The following SKAP1 variants were observed in gnomAD, a reference collection of about 807,000 sequenced individuals.
SKAP1 encodes src kinase associated phosphoprotein 1.
In SKAP1, 44 loss-of-function variants were observed where a neutral mutation model predicts 58.5. The observed-to-expected ratio is 0.75, with a 90% CI of 0.59 to 0.97. The LOEUF (loss-of-function observed/expected upper bound fraction) is 0.97, where lower values mean the gene tolerates loss of function less well. Ranked by LOEUF, SKAP1 falls within the 50% of genes least tolerant of loss-of-function variation. The probability of loss-of-function intolerance (pLI) is 0.00; values close to 1 mark genes in which losing one functional copy is unlikely to be tolerated. For synonymous variants in SKAP1, 127 were observed against 149.7 expected (o/e 0.85, Z 1.11); for missense variants, 390 against 435.2 (o/e 0.90, Z 0.92).
intron 4 of SKAP1, among the ~76,000 whole-genome samples, chr17:48,295,358 T>C (rs1454427635): frequency 6.6e-6 from 1 of 152,126 alleles, no homozygotes; most frequent in Non-Finnish European, 1.5e-5. Context: ...CAACTTGTAT[T>C]TCCTTTCTTT....
At chr17:48,283,318 A>G (rs1167243231) in intron 4 of SKAP1, among the ~76,000 whole-genome samples, 2 of 152,224 alleles carry the variant, frequency 1.3e-5, no homozygotes, top group African/African-American at 2.4e-5. Flanking sequence ...AATAAGAAAA[A>G]TAAAATAATA....
chr17:48,412,722 A>G (rs533355058), intron 1 of SKAP1, among the ~76,000 whole-genome samples: 2 of 152,354 alleles, frequency 1.3e-5, no homozygotes, highest in East Asian at 1.9e-4. Flanking sequence ...TTACTAAATT[A>G]TAAGTAAAAT....
intron 4 of SKAP1, among the ~76,000 whole-genome samples, chr17:48,324,347 T>C (rs1469180831): frequency 1.3e-5 from 2 of 152,162 alleles, no homozygotes; most frequent in Non-Finnish European, 2.9e-5. Context: ...ACCAATCCCA[T>C]GTAATTAGAC....
intron 4 of SKAP1, among the ~76,000 whole-genome samples, chr17:48,309,686 T>C (rs962876477): frequency 6.6e-6 from 1 of 152,172 alleles, no homozygotes; most frequent in Non-Finnish European, 1.5e-5. Flanking sequence ...GATAATCAAA[T>C]CCATTTTCAA....
chr17:48,209,021 C>T (rs1598429459), intron 4 of SKAP1, among the ~76,000 whole-genome samples: 1 of 152,146 alleles, frequency 6.6e-6, no homozygotes, highest in Non-Finnish European at 1.5e-5. Context: ...CTCACCACTA[C>T]CTCTATAATA....
chr17:48,424,939 AAAAAAG>A (rs1414459021), intron 1 of SKAP1, among the ~76,000 whole-genome samples: 23 of 150,330 alleles, frequency 1.5e-4, no homozygotes, highest in Non-Finnish European at 2.7e-4. Flanking sequence ...TCAAAAAAAA[AAAAAAG>A]AAAAAGAAAA....
intron 1 of SKAP1, among the ~76,000 whole-genome samples, chr17:48,398,051 A>G (rs888160628): frequency 2.0e-5 from 3 of 151,722 alleles, no homozygotes; most frequent in African/African-American, 7.3e-5. Flanking sequence ...ACTGTATCAT[A>G]TATATCAGGA....
intron 4 of SKAP1, among the ~76,000 whole-genome samples, chr17:48,316,459 AC>A (rs1379884507): frequency 6.6e-6 from 1 of 152,094 alleles, no homozygotes; most frequent in Non-Finnish European, 1.5e-5. Context: ...TCCTCTGATC[AC>A]CCTGTTCTCA....
At chr17:48,205,037 T>TTCTTTCTCTCTC in intron 4 of SKAP1, among the ~76,000 whole-genome samples, 1 of 55,804 alleles carries the variant, frequency 1.8e-5, no homozygotes, top group African/African-American at 5.4e-5. Flanking sequence ...CTTTCTTTCT[T>TTCTTTCTCTCTC]TCTCTCTCTC....
chr17:48,301,160 C>A (rs1029964531), intron 4 of SKAP1, among the ~76,000 whole-genome samples: 4 of 152,252 alleles, frequency 2.6e-5, no homozygotes, highest in Admixed American at 6.5e-5. Flanking sequence ...CACCAAACAA[C>A]TTTTTTTAGG....
At chr17:48,155,276 C>T (rs543994717) in intron 11 of SKAP1, among the ~76,000 whole-genome samples, 6 of 151,182 alleles carry the variant, frequency 4.0e-5, no homozygotes, top group East Asian at 2.1e-4. Context: ...TACAGGCACG[C>T]GCCACCATGC....
At chr17:48,153,418 C>T (rs181947244) in intron 11 of SKAP1, among the ~76,000 whole-genome samples, 4 of 152,248 alleles carry the variant, frequency 2.6e-5, no homozygotes, top group African/African-American at 7.2e-5. Context: ...TGAATTTGAC[C>T]GGTATATGAC....
intron 2 of SKAP1, chr17:48,380,509 C>T (rs531715644): frequency 2.0e-5 from 3 of 152,132 alleles, no homozygotes; most frequent in African/African-American, 7.2e-5. Context: ...TCCCTTGGAC[C>T]TTTTATTGAA....
At chr17:48,240,642 C>T (rs2938483) in intron 4 of SKAP1, among the ~76,000 whole-genome samples, 84,846 of 151,936 alleles carry the variant, frequency 0.56, 24,672 homozygotes, top group East Asian at 0.77. Flanking sequence ...GTCCACCCTT[C>T]ACACATGGGC....
upstream of SKAP1, among the ~76,000 whole-genome samples, chr17:48,431,320 A>G (rs141849848): frequency 5.3e-4 from 81 of 152,338 alleles, no homozygotes; most frequent in African/African-American, 1.8e-3. Context: ...TTAAAAAAGA[A>G]AGAAAATAAA....
intron 1 of SKAP1, among the ~76,000 whole-genome samples, chr17:48,429,206 G>A (rs906794750): frequency 6.6e-6 from 1 of 152,192 alleles, no homozygotes; most frequent in Non-Finnish European, 1.5e-5. Flanking sequence ...AGCCTTATGC[G>A]ACTGCAGATT....
intron 6 of SKAP1, 74 bp downstream of exon 6, chr17:48,187,769 T>C (rs2064478077): frequency 6.8e-6 from 7 of 1,036,474 alleles, no homozygotes; most frequent in Admixed American, 1.8e-5. Context: ...TATCTTGGGA[T>C]CTAAGTGCTT....
At chr17:48,388,727 T>C (rs2067309057) in intron 2 of SKAP1, among the ~76,000 whole-genome samples, 1 of 152,250 alleles carries the variant, frequency 6.6e-6, no homozygotes, top group African/African-American at 2.4e-5. Flanking sequence ...CTTTGAAAGA[T>C]GCCACTTCAT....
In SKAP1 at chr17:48,146,866, G is replaced by C. The variant is rs772480963; in HGVS notation, c.979-9529C>G. Among the ~76,000 whole-genome samples, 28 of 152,250 alleles carry C rather than the reference G, an allele frequency of 1.8e-4. 1 individual carries two copies. The Middle Eastern group carries it at 0.017, about 93-fold the overall frequency. ...TGGTCTCGAACTCCTGACCTCAAGA[G>C]ATCCTGCCCACCTCCACCTCCCAAA... On this transcript the variant is annotated intron_variant, in intron 11 of 12. Transcript: ENST00000336915.
Sources: allele counts gnomAD v4.1 joint callset (sites outside exome capture counted in the v4.1 genomes callset), GRCh38; gene constraint gnomAD v4.1.1; transcripts MANE v1.5; gene names NCBI Gene and HGNC (gene_info 2026-07-23, HGNC 2026-07-21).